Variants in HNF1B observed in about 807,000 individuals in gnomAD.
HNF1B encodes the protein HNF1 homeobox B.
A neutral mutation model predicts 61.7 loss-of-function variants in HNF1B; 8 were observed. That is an observed-to-expected ratio of 0.13 (90% CI 0.08 to 0.23). HNF1B has a LOEUF of 0.23. HNF1B is among the 10% of genes least tolerant of loss of function. The pLI is 1.00. For synonymous variants in HNF1B, 314 were observed against 287.7 expected (o/e 1.09, Z -0.93); for missense variants, 562 against 714.5 (o/e 0.79, Z 2.43).
At chr17:37,713,144 A>C (rs2032991926) in intron 4 of HNF1B, among the ~76,000 whole-genome samples, 1 of 152,030 alleles carries the variant, frequency 6.6e-6, no homozygotes. Context: ...TACCTCCCCG[A>C]GAGGCTCTGC....
intron 3 of HNF1B, among the ~76,000 whole-genome samples, chr17:37,732,139 G>C (rs1052246993): frequency 2.0e-5 from 3 of 152,174 alleles, no homozygotes; most frequent in African/African-American, 7.2e-5. Flanking sequence ...TCCAGGGGAA[G>C]GTCCAGATGG....
rs76153546 is a variant in HNF1B at position 37,734,541 on chromosome 17, T to G, written c.545-720A>C. On this transcript the variant is annotated intron_variant, in intron 2 of 8. Transcript: ENST00000617811. ...CATCAGGAGATTTTTGTGGAATGAATGAGAACCAGCAGCTCGGCCCAGAGG... is the reference window on the plus strand; with the variant it reads ...CATCAGGAGATTTTTGTGGAATGAAGGAGAACCAGCAGCTCGGCCCAGAGG... Among the ~76,000 whole-genome samples the G allele has an allele frequency of 1.3e-3, 192 of 152,318 alleles. 2 individuals carry two copies. The highest frequency in any genetic ancestry group is 4.4e-3 in the African/African-American group (181 of 41,558).
intron 8 of HNF1B, among the ~76,000 whole-genome samples, chr17:37,694,796 T>C (rs1482573496): frequency 1.3e-5 from 2 of 152,164 alleles, no homozygotes; most frequent in Non-Finnish European, 2.9e-5. Flanking sequence ...ACAGAAGACA[T>C]TTCTAAGCGG....
intron 2 of HNF1B, among the ~76,000 whole-genome samples, chr17:37,736,616 C>T (rs1365390347): frequency 6.6e-6 from 1 of 152,184 alleles, no homozygotes; most frequent in Non-Finnish European, 1.5e-5. Flanking sequence ...ACCCCGCAAA[C>T]GCTTCATATC....
At chr17:37,730,392 G>C (rs955795398) in intron 4 of HNF1B, 5 of 152,370 alleles carry the variant, frequency 3.3e-5, no homozygotes, top group African/African-American at 1.2e-4. Context: ...CTTCCTGTGT[G>C]GCTGAGCCTC....
chr17:37,705,021 G>T lies in HNF1B; in HGVS notation c.1235C>A (p.Pro412Gln). The T allele has an allele frequency of 6.2e-7, 1 of 1,613,988 alleles. No individual in the cohort carries two copies. Among genetic ancestry groups the T allele is most frequent in the Non-Finnish European group, 8.5e-7 (1 of 1,179,928 alleles). ...GTGGATATTCGTCAAGGTGCTGACT[G>T]GGGGCAAACCTCCTCCTGAGACTGA... ...MISVSGGGLP[P>Q]VSTLTNIHSL... Residue 412 changes from proline (P) to glutamine (Q), a missense_variant, in exon 6 of 9, where the codon CCA becomes CAA. Transcript: ENST00000617811.
chr17:37,688,515 A>T (rs1006452483), intron 8 of HNF1B, among the ~76,000 whole-genome samples: 2 of 152,026 alleles, frequency 1.3e-5, no homozygotes, highest in Admixed American at 1.3e-4. Flanking sequence ...TGTCTATTTG[A>T]CAAATTAGGA....
chr17:37,726,941 G>A (rs181898922), intron 4 of HNF1B, among the ~76,000 whole-genome samples: 12 of 152,244 alleles, frequency 7.9e-5, no homozygotes, highest in Non-Finnish European at 1.8e-4. Context: ...GGAGAGCGGA[G>A]GCTGATGAAG....
rs1370035173 is a variant in HNF1B, at chr17:37,687,422, G to T, written c.1654-30C>A. On this transcript the variant is annotated intron_variant, in intron 8 of 8. Transcript: ENST00000617811. ...AGAGAGAGAGGAGAGAGGGTGCTCA[G>T]CTGTGTCATTTGGCAGGGTCATGGG... is the stretch of plus-strand genomic sequence containing the variant. 1.9e-6 allele frequency: 3 copies of T among 1,556,618 alleles called. No individual in the cohort carries two copies. In the East Asian group the frequency reaches 6.7e-5, roughly 35 times the overall value.
chr17:37,689,239 G>A (rs970242018), intron 8 of HNF1B, among the ~76,000 whole-genome samples: 2 of 151,294 alleles, frequency 1.3e-5, no homozygotes, highest in Admixed American at 6.6e-5. Context: ...TTGAGACGTT[G>A]GTCAGGGTCC....
At chr17:37,695,138 G>A (rs1399038926) in intron 8 of HNF1B, among the ~76,000 whole-genome samples, 1 of 152,202 alleles carries the variant, frequency 6.6e-6, no homozygotes, top group Non-Finnish European at 1.5e-5. Context: ...GGTTTTGGGG[G>A]CCAGACCAAA....
At position 37,700,834 on chromosome 17, in the gene HNF1B, G is replaced by T; in HGVS notation, c.1534+149C>A. The T allele has an allele frequency of 5.3e-6, 4 of 751,022 alleles. No homozygotes were observed. The South Asian group carries it at 6.0e-5, about 11-fold the overall frequency. The allele number at this position is 751,022 out of a possible 1,614,324, so 46.5% of individuals were successfully genotyped here. On this transcript the variant is annotated intron_variant, in intron 7 of 8. Coordinates refer to ENST00000617811, the MANE Select transcript of HNF1B (RefSeq NM_000458.4). ...AGGTACAGCAACACTCAAGAGTTATGCTTGAGAAATTGTCTTAGTCGGTTG... is the reference window on the plus strand; with the variant it reads ...AGGTACAGCAACACTCAAGAGTTATTCTTGAGAAATTGTCTTAGTCGGTTG...
chr17:37,692,463 T>C (rs1185708743), intron 8 of HNF1B, among the ~76,000 whole-genome samples: 1 of 152,226 alleles, frequency 6.6e-6, no homozygotes, highest in African/African-American at 2.4e-5. Context: ...TCTTTGAACC[T>C]CAGTTTTCTG....
At chr17:37,744,093 T>A (rs1369260319) in intron 1 of HNF1B, among the ~76,000 whole-genome samples, 1 of 152,220 alleles carries the variant, frequency 6.6e-6, no homozygotes, top group Non-Finnish European at 1.5e-5. Flanking sequence ...GGTCAATGTG[T>A]CCGAGGCCGA....
chr17:37,726,196 GA>G (rs1368304983), intron 4 of HNF1B, among the ~76,000 whole-genome samples: 1 of 152,056 alleles, frequency 6.6e-6, no homozygotes, highest in Non-Finnish European at 1.5e-5. Context: ...TTTAGTGCCT[GA>G]AAAGTTCTTA....
chr17:37,687,498 G>T, intron 8 of HNF1B, 106 bp from the exon 9 acceptor site: 2 of 868,956 alleles, frequency 2.3e-6, no homozygotes, highest in South Asian at 2.6e-5. Flanking sequence ...AACCAGCAAA[G>T]AGCAGCAGGT....
chr17:37,699,321 G>T, intron 7 of HNF1B, 127 bp from the exon 8 acceptor site: 1 of 770,822 alleles, frequency 1.3e-6, no homozygotes, highest in Non-Finnish European at 2.4e-6. Context: ...TTATAGTGGG[G>T]ATTTCTCATA....
At chr17:37,703,609 T>C (rs941664679) in intron 6 of HNF1B, among the ~76,000 whole-genome samples, 1 of 152,262 alleles carries the variant, frequency 6.6e-6, no homozygotes, top group Non-Finnish European at 1.5e-5. Flanking sequence ...GGTATTAGTA[T>C]AATTACCATA....
chr17:37,739,364 G>A (rs1598848515), intron 2 of HNF1B, 76 bp downstream of exon 2: 2 of 1,381,404 alleles, frequency 1.4e-6, no homozygotes, highest in South Asian at 2.3e-5. Context: ...CGATGAAAGG[G>A]AAACTGAGGC....
Sources: allele counts gnomAD v4.1 joint callset (sites outside exome capture counted in the v4.1 genomes callset), GRCh38; gene constraint gnomAD v4.1.1; transcripts MANE v1.5; gene names NCBI Gene and HGNC (gene_info 2026-07-23, HGNC 2026-07-21).